STARD8: variants seen among roughly 807,000 people sequenced by gnomAD.
The protein encoded by STARD8 is StAR related lipid transfer domain containing 8, also known as stAR-related lipid transfer protein 8.
In STARD8, 25 loss-of-function variants were observed where a neutral mutation model predicts 69.4. That is an observed-to-expected ratio of 0.36 (90% CI 0.26 to 0.50). STARD8 has a LOEUF of 0.50. Ranked by LOEUF, STARD8 falls within the 20% of genes least tolerant of loss-of-function variation. STARD8 has a pLI of 0.96. For missense variants in STARD8, 921 were observed against 932.5 expected (o/e 0.99, Z 0.16); for synonymous variants, 389 against 374.6 (o/e 1.04, Z -0.45).
chrX:68,663,690 C>T (rs2079664581), intron 1 of STARD8, among the ~76,000 whole-genome samples: 1 of 111,361 alleles, frequency 9.0e-6, no homozygotes, highest in Non-Finnish European at 1.9e-5. Flanking sequence ...CAGGGGCCTG[C>T]TTTGTCCTTC....
In STARD8 at chrX:68,720,915, A is replaced by G; in HGVS notation, c.2050-9A>G. On this transcript the variant is annotated splice_polypyrimidine_tract_variant and intron_variant, in intron 8 of 14. Coordinates refer to ENST00000374599, the MANE Select transcript of STARD8 (RefSeq NM_001142503.3). ...TTTCCTCACTCCCTCCCTCCCCTGC[A>G]TGGAGTAGGTAGGCATCTTCCGCAA... The G allele has an allele frequency of 8.3e-7, 1 of 1,207,348 alleles. No homozygotes were observed. The highest frequency in any genetic ancestry group is 1.1e-6 in the Non-Finnish European group (1 of 892,600).
chrX:68,722,698 G>A (rs1457266902), intron 12 of STARD8, 52 bp downstream of exon 12: 1 of 1,145,183 alleles, frequency 8.7e-7, no homozygotes. Context: ...GCATGGTGCA[G>A]GCAAGGGTAG....
In STARD8 at chrX:68,683,494, C is replaced by T. The variant is rs138369847; in HGVS notation, c.79+17962C>T. Among the ~76,000 whole-genome samples the T allele has an allele frequency of 5.8e-3, 646 of 112,112 alleles. 8 individuals are homozygous for T. The highest frequency in any genetic ancestry group is 0.02 in the African/African-American group (613 of 30,801). On this transcript the variant is annotated intron_variant, in intron 2 of 14. Transcript: ENST00000374599. ...ACTAAGGGCCTATCTTTTACTGAAC[C>T]AGGTGCCTGCTACCCCTGGGGTACA...
At chrX:68,699,060 C>T (rs1240615332) in intron 2 of STARD8, among the ~76,000 whole-genome samples, 2 of 112,003 alleles carry the variant, frequency 1.8e-5, no homozygotes, top group South Asian at 3.7e-4. Flanking sequence ...CTGGCCCCTC[C>T]CCAAGCCTGT....
chrX:68,661,706 T>C (rs185806444), intron 1 of STARD8, among the ~76,000 whole-genome samples: 16 of 111,722 alleles, frequency 1.4e-4, no homozygotes, highest in Middle Eastern at 4.7e-3. Context: ...GCCAGAAACA[T>C]TGGGGTCATC....
At chrX:68,694,732 G>A (rs1463498306) in intron 2 of STARD8, among the ~76,000 whole-genome samples, 1 of 111,684 alleles carries the variant, frequency 9.0e-6, no homozygotes, top group Non-Finnish European at 1.9e-5. Context: ...GTAAAAGGTT[G>A]TCTCTGAGAC....
intron 1 of STARD8, among the ~76,000 whole-genome samples, chrX:68,660,112 A>G (rs902193541): frequency 1.8e-5 from 2 of 109,900 alleles, no homozygotes; most frequent in Non-Finnish European, 3.8e-5. Flanking sequence ...GACAGCTTGC[A>G]CCCTTGGGGG....
chrX:68,676,564 C>T (rs1451912556), intron 2 of STARD8, among the ~76,000 whole-genome samples: 1 of 112,020 alleles, frequency 8.9e-6, no homozygotes, highest in African/African-American at 3.2e-5. Flanking sequence ...CCTGTTTAGC[C>T]CTCTGCCATT....
In STARD8 at chrX:68,724,524, G is replaced by T; in HGVS notation, c.*102G>T. The stretch of plus-strand genomic sequence containing the variant: ...AGCCCCCTGGGTGCCGCTGTCAGGA[G>T]CAGAGCCAGGCCCAGGTGGCTCCAG... On this transcript the variant is annotated 3_prime_UTR_variant, in exon 15 of 15. Transcript: ENST00000374599. The T allele has an allele frequency of 3.0e-6, 2 of 663,202 alleles. No homozygotes were observed. The highest frequency in any genetic ancestry group is 5.5e-5 in the South Asian group (2 of 36,298). The allele number at this position is 663,202 out of a possible 1,213,427, so 54.7% of individuals were successfully genotyped here. A position where few individuals can be genotyped will look rare whatever the true frequency, so the allele number is the denominator to read the frequency against.
chrX:68,692,203 G>T (rs896416718), intron 2 of STARD8, among the ~76,000 whole-genome samples: 1 of 111,992 alleles, frequency 8.9e-6, no homozygotes, highest in South Asian at 3.7e-4. Context: ...CTTCTGGTGT[G>T]CAGGCCTCAT....
chrX:68,695,196 C>G (rs1284724052), intron 2 of STARD8, among the ~76,000 whole-genome samples: 1 of 108,227 alleles, frequency 9.2e-6, no homozygotes, highest in Non-Finnish European at 1.9e-5. Flanking sequence ...AGGTGGGCAG[C>G]CCAAAGGCAT....
At chrX:68,670,405 T>G (rs962540473) in intron 2 of STARD8, among the ~76,000 whole-genome samples, 1 of 111,298 alleles carries the variant, frequency 9.0e-6, no homozygotes, top group Non-Finnish European at 1.9e-5. Context: ...TTTCAAGGTG[T>G]TCTTTGGGAT....
chrX:68,653,350 C>CA (rs2079583982), intron 1 of STARD8, among the ~76,000 whole-genome samples: 1 of 54,734 alleles, frequency 1.8e-5, no homozygotes, highest in Non-Finnish European at 3.4e-5. Flanking sequence ...CCACACACAC[C>CA]CCACACACAC....
Position 68,719,120 on chromosome X carries a change from T to G in STARD8, c.1716-105T>G, listed in dbSNP as rs137871157. ...TAGAAAGTGTTCCCAGCTCCCTGCA[T>G]TTTTTCTTTGGGGAGAAAAAAGGGG... On this transcript the variant is annotated intron_variant, in intron 6 of 14. Coordinates refer to ENST00000374599, the MANE Select transcript of STARD8 (RefSeq NM_001142503.3). 2.6e-4 allele frequency: 257 copies of G among 973,651 alleles called. No individual in the cohort carries two copies. The African/African-American group carries it at 4.5e-3, about 17-fold the overall frequency. The allele number at this position is 973,651 out of a possible 1,213,427, so 80.2% of individuals were successfully genotyped here. A position where few individuals can be genotyped will look rare whatever the true frequency, so the allele number is the denominator to read the frequency against.
intron 13 of STARD8, 26 bp downstream of exon 13, chrX:68,723,869 C>T (rs368828650): frequency 4.2e-6 from 5 of 1,204,070 alleles, no homozygotes; most frequent in Non-Finnish European, 5.6e-6. Context: ...TGCTACCCTT[C>T]TGTGCTTGGG....
intron 2 of STARD8, among the ~76,000 whole-genome samples, chrX:68,709,637 A>G (rs1375445418): frequency 9.0e-6 from 1 of 110,526 alleles, no homozygotes; most frequent in Non-Finnish European, 1.9e-5. Flanking sequence ...GCAATATAGT[A>G]AGACCCTGTC....
intron 2 of STARD8, among the ~76,000 whole-genome samples, chrX:68,679,759 T>C (rs2079789403): frequency 8.9e-6 from 1 of 112,027 alleles, no homozygotes; most frequent in African/African-American, 3.3e-5. Flanking sequence ...GCCTCCTCTC[T>C]CTTAGGTGTC....
chrX:68,721,235 G>T, intron 9 of STARD8, 113 bp downstream of exon 9: 1 of 880,066 alleles, frequency 1.1e-6, no homozygotes, highest in South Asian at 2.4e-5. Context: ...CCTGTGAGCT[G>T]ATTGGAACAG....
In STARD8 at chrX:68,717,882, A is replaced by G. The variant is rs201570405; in HGVS notation, c.968A>G (p.Asp323Gly). 235 of 1,207,519 alleles carry G rather than the reference A, an allele frequency of 1.9e-4. No homozygotes were observed. Among genetic ancestry groups the G allele is most frequent in the Non-Finnish European group, 1.5e-4 (137 of 893,875 alleles). Residue 323 changes from aspartate to glycine, a missense_variant, in exon 6 of 15, where the codon GAT becomes GGT. Transcript: ENST00000374599. The stretch of plus-strand genomic sequence containing the variant: ...TCCATTGAGAGCCTGTGTCCTGAGG[A>G]TGGACACCGCCTGGCAGACTGGCAG... ...SLSIESLCPEDGHRLADWQPG... is the reference protein window; with the variant it reads ...SLSIESLCPEGGHRLADWQPG...
Sources: gnomAD v4.1 joint callset for allele counts (sites outside exome capture counted in the v4.1 genomes callset) on GRCh38, gnomAD v4.1.1 for gene constraint, MANE v1.5 for transcripts, NCBI Gene and HGNC (gene_info 2026-07-23, HGNC 2026-07-21) for gene names.